The following SHANK2 variants were observed in gnomAD, a reference collection of about 807,000 sequenced individuals.
The protein encoded by SHANK2 is SH3 and multiple ankyrin repeat domains protein 2.
In SHANK2, 43 loss-of-function variants were observed where a neutral mutation model predicts 133.7. The ratio of observed to expected loss-of-function variants is 0.32; its 90% CI spans 0.25 to 0.41. The LOEUF is 0.41. Ranked by LOEUF, SHANK2 falls within the 10% of genes least tolerant of loss-of-function variation. The pLI is 1.00. For missense variants in SHANK2, 1,994 were observed against 2,235.8 expected, an observed-to-expected ratio of 0.89 and a Z score of 2.18; for synonymous variants, 1,017 against 952.8, an observed-to-expected ratio of 1.07 and a Z score of -1.24.
chr11:70,538,548 G>C (rs1264073862), intron 17 of SHANK2, among the ~76,000 whole-genome samples: 1 of 152,238 alleles, frequency 6.6e-6, no homozygotes, highest in East Asian at 1.9e-4. Context: ...CAGTGTCCTG[G>C]CCCTTGGTCA....
intron 2 of SHANK2, among the ~76,000 whole-genome samples, chr11:71,185,606 G>A (rs1349016289): frequency 6.6e-6 from 1 of 152,106 alleles, no homozygotes; most frequent in South Asian, 2.1e-4. Context: ...GGACCTGGAG[G>A]GTTCAAATCT....
intron 1 of SHANK2, among the ~76,000 whole-genome samples, chr11:71,245,463 T>C (rs1453857265): frequency 1.3e-5 from 2 of 152,234 alleles, no homozygotes; most frequent in Non-Finnish European, 2.9e-5. Flanking sequence ...TCCTTCAAAA[T>C]GCTAAGAGAG....
At chr11:70,491,112 T>G (rs2058881177) in intron 22 of SHANK2, among the ~76,000 whole-genome samples, 1 of 152,266 alleles carries the variant, frequency 6.6e-6, no homozygotes, top group African/African-American at 2.4e-5. Context: ...GGCTGTTGTT[T>G]TGTCTGCAAA....
At chr11:70,531,715 G>A (rs186282380) in intron 17 of SHANK2, among the ~76,000 whole-genome samples, 3 of 152,286 alleles carry the variant, frequency 2.0e-5, no homozygotes, top group Admixed American at 1.3e-4. Flanking sequence ...GGGTAGGAGC[G>A]CAGAGACACT....
chr11:70,573,706 G>T (rs2060079880), intron 17 of SHANK2, among the ~76,000 whole-genome samples: 1 of 152,152 alleles, frequency 6.6e-6, no homozygotes, highest in Admixed American at 6.5e-5. Context: ...GCCCCTGGCT[G>T]CCCCTGAGGG....
chr11:71,226,819 G>A (rs919659799), intron 1 of SHANK2: 6 of 151,962 alleles, frequency 3.9e-5, no homozygotes, highest in Non-Finnish European at 5.9e-5. Context: ...GGAACATTAG[G>A]AAGGAAAAAA....
chr11:71,246,407 T>C (rs1954961579), intron 1 of SHANK2, among the ~76,000 whole-genome samples: 1 of 152,122 alleles, frequency 6.6e-6, no homozygotes, highest in South Asian at 2.1e-4. Flanking sequence ...CCCCCAAGTC[T>C]GCAGGGAGGC....
In SHANK2 at chr11:70,740,985, G is replaced by C. The variant is rs145138693; in HGVS notation, c.1778-42222C>G. Among the ~76,000 whole-genome samples the C allele has an allele frequency of 5.9e-5, 9 of 152,290 alleles. No homozygotes were observed. In the East Asian group the frequency reaches 1.7e-3, roughly 29 times the overall value. On this transcript the variant is annotated intron_variant, in intron 14 of 25. Coordinates refer to ENST00000601538, the MANE Select transcript of SHANK2 (RefSeq NM_012309.5). Reference sequence around the variant, plus strand: ...ATTTGATGGGCAGCAAGGTGGAGGGGATGAGGTTATTTGTGTTATCTCTTG... The same window carrying C: ...ATTTGATGGGCAGCAAGGTGGAGGGCATGAGGTTATTTGTGTTATCTCTTG...
At chr11:70,848,378 A>G (rs1239651712) in intron 11 of SHANK2, among the ~76,000 whole-genome samples, 2 of 151,300 alleles carry the variant, frequency 1.3e-5, no homozygotes, top group Non-Finnish European at 3.0e-5. Context: ...GGGGTGATCA[A>G]CCCACCCGTT....
intron 1 of SHANK2, among the ~76,000 whole-genome samples, chr11:71,249,379 C>T (rs1249990643): frequency 7.9e-5 from 12 of 152,186 alleles, no homozygotes; most frequent in African/African-American, 2.9e-4. Context: ...AAGGGTCCCT[C>T]CCTGGGGCTC....
At position 70,805,838 on chromosome 11, in the gene SHANK2, G is replaced by A. The variant is rs189650521; in HGVS notation, c.1663+1164C>T. Among the ~76,000 whole-genome samples, 4 of 152,306 alleles carry A rather than the reference G, an allele frequency of 2.6e-5. No individual in the cohort carries two copies. In the East Asian group the frequency reaches 5.8e-4, roughly 22 times the overall value. ...CTACAGGGACATTTCAAAGGAAAGG[G>A]TAAGTGAACTTAAACAATAACCAAT... On this transcript the variant is annotated intron_variant, in intron 13 of 25. Coordinates refer to ENST00000601538, the MANE Select transcript of SHANK2 (RefSeq NM_012309.5).
chr11:71,168,515 T>C (rs1953236626), intron 2 of SHANK2, among the ~76,000 whole-genome samples: 1 of 151,906 alleles, frequency 6.6e-6, no homozygotes, highest in African/African-American at 2.4e-5. Flanking sequence ...ATCACGCCAC[T>C]GCACTCCAGC....
intron 14 of SHANK2, among the ~76,000 whole-genome samples, chr11:70,737,655 C>T (rs983088085): frequency 6.6e-6 from 1 of 152,184 alleles, no homozygotes; most frequent in South Asian, 2.1e-4. Flanking sequence ...AGCCCAGGCC[C>T]CAGTGGGCAG....
At chr11:70,646,829 T>TTTATTTATTTTA (rs1491262147) in intron 17 of SHANK2, among the ~76,000 whole-genome samples, 2,592 of 81,868 alleles carry the variant, frequency 0.032, 26 homozygotes, top group Non-Finnish European at 0.044. Context: ...CTTTTATTTA[T>TTTATTTATTTTA]TTTATTTATT....
chr11:70,648,057 TGGAAC>T (rs1477251701), intron 17 of SHANK2, among the ~76,000 whole-genome samples: 1 of 152,230 alleles, frequency 6.6e-6, no homozygotes, highest in Non-Finnish European at 1.5e-5. Flanking sequence ...AACCACATGG[TGGAAC>T]GTTATTCACC....
intron 9 of SHANK2, among the ~76,000 whole-genome samples, chr11:71,069,096 A>G (rs1951107729): frequency 6.7e-6 from 1 of 148,258 alleles, no homozygotes; most frequent in African/African-American, 2.5e-5. Context: ...CATCATCACC[A>G]TCATCATTAT....
intron 11 of SHANK2, among the ~76,000 whole-genome samples, chr11:70,837,975 C>CAAAAAAAAAAAAAAAAAAAAAAAAAAAAA (rs55862093): frequency 7.9e-5 from 2 of 25,178 alleles, no homozygotes; most frequent in African/African-American, 1.3e-4. Flanking sequence ...CATTCTGTCT[C>CAAAAAAAAAAAAAAAAAAAAAAAAAAAAA]AAAAAAAAAA....
chr11:71,137,710 C>T (rs573342541), intron 3 of SHANK2, among the ~76,000 whole-genome samples: 87 of 152,290 alleles, frequency 5.7e-4, no homozygotes, highest in African/African-American at 2.0e-3. Context: ...GGCTTTCTAC[C>T]TGGAAAAATC....
At chr11:71,112,113 G>C (rs1388605013) in intron 5 of SHANK2, among the ~76,000 whole-genome samples, 1 of 152,242 alleles carries the variant, frequency 6.6e-6, no homozygotes, top group Non-Finnish European at 1.5e-5. Flanking sequence ...TAAGAATCCT[G>C]CCGGGCACAG....
Sources: allele counts gnomAD v4.1 joint callset (sites outside exome capture counted in the v4.1 genomes callset), GRCh38; gene constraint gnomAD v4.1.1; transcripts MANE v1.5; gene names NCBI Gene and HGNC (gene_info 2026-07-23, HGNC 2026-07-21).